The following STXBP2 variants were observed in gnomAD, a reference collection of about 807,000 sequenced individuals.
The protein encoded by STXBP2 is syntaxin binding protein 2, also known as syntaxin-binding protein 2.
STXBP2 carries 47 observed loss-of-function variants against 72.2 expected under a neutral mutation model. That is an observed-to-expected ratio of 0.65 (90% CI 0.51 to 0.83). STXBP2 has a LOEUF of 0.83. Ranked by LOEUF, STXBP2 falls within the 40% of genes least tolerant of loss-of-function variation. The pLI, the probability that STXBP2 is intolerant of heterozygous loss-of-function variation, is 0.00. For synonymous variants in STXBP2, 367 were observed against 338.7 expected (o/e 1.08, Z -0.92); for missense variants, 702 against 807.6 (o/e 0.87, Z 1.58).
Position 7,642,035 on chromosome 19 carries a change from G to C in STXBP2, c.580G>C (p.Gly194Arg), listed in dbSNP as rs775053778. 6.2e-7 allele frequency: 1 copy of C among 1,613,962 alleles called. No homozygotes were observed. Among genetic ancestry groups the C allele is most frequent in the Non-Finnish European group, 8.5e-7 (1 of 1,179,924 alleles). Residue 194 changes from glycine (G) to arginine (R), a missense_variant and splice_region_variant, in exon 8 of 19, where the codon GGC (glycine) becomes CGC (arginine). Coordinates refer to ENST00000221283, the MANE Select transcript of STXBP2 (RefSeq NM_006949.4). The surrounding 1 kb of genome is among the most constrained non-coding windows in gnomAD (Gnocchi z 6.0). Reference sequence around the variant, plus strand: ...CCCCGTGTCTGACCTCCCCGCCAGGGGCCCAGAGGACACAGCCCAGTTGGC... The same window carrying C: ...CCCCGTGTCTGACCTCCCCGCCAGGCGCCCAGAGGACACAGCCCAGTTGGC... ...QEYPAIRYRK[G>R]PEDTAQLAHA...
chr19:7,632,572 C>T (rs1232283953), upstream of STXBP2: 4 of 1,602,904 alleles, frequency 2.5e-6, no homozygotes, highest in African/African-American at 4.0e-5. The surrounding 1 kb of genome is among the most constrained non-coding windows in gnomAD (Gnocchi z 5.2). Context: ...GGCCCCCAAC[C>T]CTACCCCTTC....
At chr19:7,633,544 G>A, upstream of STXBP2, 2 of 1,323,344 alleles carry the variant, frequency 1.5e-6, no homozygotes, top group Non-Finnish European at 2.1e-6. Flanking sequence ...ACGTGGGGGT[G>A]TGGATTCCCC....
upstream of STXBP2, among the ~76,000 whole-genome samples, chr19:7,634,319 C>T (rs3745364): frequency 0.29 from 44,320 of 152,114 alleles, 7,137 homozygotes; most frequent in Non-Finnish European, 0.37. Context: ...CCCCAAGACG[C>T]CTTTACGGAA....
At chr19:7,637,292 C>T in intron 1 of STXBP2, 106 bp downstream of exon 1, 2 of 609,728 alleles carry the variant, frequency 3.3e-6, no homozygotes, top group Non-Finnish European at 4.1e-6. Context: ...AGTTGGGGGC[C>T]GGGCTGGGCG....
intron 2 of STXBP2, 42 bp from the exon 3 acceptor site, chr19:7,638,977 T>C: frequency 6.2e-7 from 1 of 1,612,452 alleles, no homozygotes; most frequent in East Asian, 2.2e-5. Flanking sequence ...CTGTGGCCTC[T>C]TCCGCCTGCT....
chr19:7,631,411 G>GGCCC, the STXBP2 span: 1 of 886,144 alleles, frequency 1.1e-6, no homozygotes, highest in Non-Finnish European at 1.7e-6. Flanking sequence ...GGGGGGGGTG[G>GGCCC]TCCCGGCTCT....
At chr19:7,632,704 G>C (rs1469305250), upstream of STXBP2, 1 of 1,553,266 alleles carries the variant, frequency 6.4e-7, no homozygotes. This position sits in a 1 kb window ranked among gnomAD's most constrained non-coding sequence, Gnocchi z 5.2. Flanking sequence ...GCACCCCCGT[G>C]CCCATGCTCA....
chr19:7,638,939 C>A (rs1209091212), intron 2 of STXBP2, 80 bp from the exon 3 acceptor site: 2 of 1,588,112 alleles, frequency 1.3e-6, no homozygotes, highest in Admixed American at 3.4e-5. Context: ...ACTGCCCCTC[C>A]CACTGCCTTG....
In STXBP2 at chr19:7,642,962, C is replaced by T. The variant is rs759206895; in HGVS notation, c.961-21C>T. ...CTGGCTTCGCCCCCCAATCCCTACC[C>T]TCTTCCCCCTACTTCCCCAGGCGAA... On this transcript the variant is annotated intron_variant, in intron 11 of 18. Coordinates refer to ENST00000221283, the MANE Select transcript of STXBP2 (RefSeq NM_006949.4). The surrounding 1 kb of genome is among the most constrained non-coding windows in gnomAD (Gnocchi z 6.0). The T allele has an allele frequency of 1.1e-5, 18 of 1,614,164 alleles. No homozygotes were observed. The highest frequency in any genetic ancestry group is 1.5e-5 in the Non-Finnish European group (18 of 1,180,006).
chr19:7,630,206 C>G, the STXBP2 span: 1 of 451,428 alleles, frequency 2.2e-6, no homozygotes. Context: ...GATTCCTAGA[C>G]TTCGAGAAGT....
At chr19:7,635,650 C>T (rs748117742), upstream of STXBP2, among the ~76,000 whole-genome samples, 2 of 151,974 alleles carry the variant, frequency 1.3e-5, no homozygotes, top group African/African-American at 2.4e-5. Flanking sequence ...GAGCTATGAT[C>T]GTGCCACTGC....
At chr19:7,639,951 T>C (rs2031734362) in intron 4 of STXBP2, 144 bp downstream of exon 4, 1 of 745,378 alleles carries the variant, frequency 1.3e-6, no homozygotes. Flanking sequence ...TGTGTGTGCA[T>C]GTGTGTGTGC....
the STXBP2 span, chr19:7,631,098 C>T: frequency 1.3e-6 from 1 of 748,510 alleles, no homozygotes. Context: ...ATTCCAGCTG[C>T]TTGGGAGGCT....
intron 15 of STXBP2, chr19:7,645,827 A>C (rs965580769): frequency 2.5e-5 from 7 of 274,824 alleles, no homozygotes; most frequent in Non-Finnish European, 3.4e-5. Context: ...GTTTCTCCAT[A>C]TCTCTCTCTC....
chr19:7,643,672 C>T (rs552642388), intron 13 of STXBP2, among the ~76,000 whole-genome samples: 1 of 143,396 alleles, frequency 7.0e-6, no homozygotes, highest in East Asian at 2.2e-4. Flanking sequence ...AGGAATGGAG[C>T]CTTGGAGAGG....
intron 14 of STXBP2, 185 bp downstream of exon 14, chr19:7,644,937 G>A (rs2032072851): frequency 6.9e-7 from 1 of 1,455,160 alleles, no homozygotes; most frequent in African/African-American, 1.4e-5. Context: ...CCACTGAGGT[G>A]AGGGCTCCCT....
chr19:7,633,530 C>T, upstream of STXBP2: 3 of 1,471,538 alleles, frequency 2.0e-6, no homozygotes, highest in Admixed American at 6.0e-5. Context: ...TTTAAACGTC[C>T]AGGACGTGGG....
rs545679120 is a variant in STXBP2 at position 7,642,571 on chromosome 19, C to T, written c.902+35C>T. 7.6e-5 allele frequency: 122 copies of T among 1,604,624 alleles called. No homozygotes were observed. Among genetic ancestry groups the T allele is most frequent in the East Asian group, 5.8e-4 (26 of 44,846 alleles). On this transcript the variant is annotated intron_variant, in intron 10 of 18. Coordinates refer to ENST00000221283, the MANE Select transcript of STXBP2 (RefSeq NM_006949.4). This position sits in a 1 kb window ranked among gnomAD's most constrained non-coding sequence, Gnocchi z 6.0. Reference sequence around the variant, plus strand: ...CACGGGGACCGGATCCCCCCCCCACCGCCCACTGTGGGCCTGGTAGCGGCC... The same window carrying T: ...CACGGGGACCGGATCCCCCCCCCACTGCCCACTGTGGGCCTGGTAGCGGCC...
intron 6 of STXBP2, 128 bp from the exon 7 acceptor site, chr19:7,641,577 C>A: frequency 7.6e-7 from 1 of 1,314,660 alleles, no homozygotes; most frequent in Non-Finnish European, 1.1e-6. Context: ...GGGCCTGCCT[C>A]CAATTCGGCA....
Sources: allele counts gnomAD v4.1 joint callset (sites outside exome capture counted in the v4.1 genomes callset), GRCh38; gene constraint gnomAD v4.1.1; non-coding constraint Gnocchi (gnomAD v3.1); transcripts MANE v1.5; gene names NCBI Gene and HGNC (gene_info 2026-07-23, HGNC 2026-07-21).